The following ANXA13 variants were observed in gnomAD, a reference collection of about 807,000 sequenced individuals.
ANXA13 encodes the protein annexin A13.
A neutral mutation model predicts 46.6 loss-of-function variants in ANXA13; 36 were observed. The observed-to-expected ratio is 0.77, with a 90% CI of 0.59 to 1.02. The LOEUF (loss-of-function observed/expected upper bound fraction) is 1.02. ANXA13 is among the 50% of genes least tolerant of loss of function. The pLI is 0.00. For synonymous variants in ANXA13, 163 were observed against 152.9 expected (o/e 1.07, Z -0.49); for missense variants, 417 against 396.5 (o/e 1.05, Z -0.44).
intron 2 of ANXA13, chr8:123,712,140 T>C (rs187547171): frequency 6.3e-4 from 99 of 157,468 alleles, no homozygotes; most frequent in Non-Finnish European, 1.1e-3. Flanking sequence ...GTTTCCCCCA[T>C]ACCGTTCTCA....
chr8:123,693,353 T>C, intron 7 of ANXA13, 55 bp from the exon 8 acceptor site: 1 of 1,498,674 alleles, frequency 6.7e-7, no homozygotes, highest in East Asian at 2.3e-5. Flanking sequence ...AGACTGATTA[T>C]GCAGTGCTGT....
chr8:123,684,651 C>T lies in ANXA13; in HGVS notation c.790G>A (p.Asp264Asn), dbSNP rs567023364. 40 of 1,614,124 alleles carry T rather than the reference C, an allele frequency of 2.5e-5. No homozygotes were observed. The highest frequency in any genetic ancestry group is 1.2e-4 in the African/African-American group (9 of 75,054). The part of the protein sequence containing the change: ...LYKSMKGAGT[D>N]EETLIRIVVT... ...ACTATGCGAATCAACGTCTCCTCAT[C>T]GGTCCCCGCACCCTTCATCGACTTG... Residue 264 changes from aspartate to asparagine, a missense_variant, in exon 10 of 11, where the codon GAT becomes AAT. Coordinates refer to ENST00000419625, the MANE Select transcript of ANXA13 (RefSeq NM_004306.4).
rs763769544 is a variant in ANXA13, at chr8:123,693,205, A to G, written c.634T>C (p.Tyr212His). 6.2e-7 allele frequency: 1 copy of G among 1,613,950 alleles called. No homozygotes were observed. The highest frequency in any genetic ancestry group is 8.5e-7 in the Non-Finnish European group (1 of 1,179,844). ...YKQLRATFQA[Y>H]QILIGKDIEE... ...AATACTTTATGACTTACAATTTGAT[A>G]GGCTTGAAAGGTGGCTCGTAACTGC... The change falls in exon 8 of 11, where the codon TAT becomes CAT. Residue 212 changes from tyrosine to histidine, a missense_variant. Tyr to His is a moderately conservative substitution (Grantham distance 83, BLOSUM62 2). Coordinates refer to ENST00000419625, the MANE Select transcript of ANXA13 (RefSeq NM_004306.4).
chr8:123,688,333 G>A (rs557597918), intron 9 of ANXA13, among the ~76,000 whole-genome samples: 13 of 152,258 alleles, frequency 8.5e-5, no homozygotes, highest in South Asian at 2.1e-4. Context: ...TGTGCCTTCC[G>A]TCTTCAGCCA....
At chr8:123,712,519 C>T (rs779595436) in intron 2 of ANXA13, 159 bp downstream of exon 2, 16 of 654,456 alleles carry the variant, frequency 2.4e-5, no homozygotes, top group African/African-American at 3.6e-5. Context: ...TGTAATTTTG[C>T]GAACTTTAAT....
chr8:123,720,697 TGA>T (rs1491047101), intron 1 of ANXA13, among the ~76,000 whole-genome samples: 24 of 147,726 alleles, frequency 1.6e-4, no homozygotes, highest in African/African-American at 3.6e-4. Context: ...TGTGTGTGTG[TGA>T]GTTAAGAACA....
intron 3 of ANXA13, among the ~76,000 whole-genome samples, chr8:123,700,127 C>T (rs1334503170): frequency 2.6e-5 from 4 of 152,198 alleles, no homozygotes; most frequent in Non-Finnish European, 5.9e-5. Context: ...TTATATTATG[C>T]CTCCGCCCCA....
intron 9 of ANXA13, among the ~76,000 whole-genome samples, chr8:123,686,076 C>A (rs1444289902): frequency 6.6e-6 from 1 of 152,136 alleles, no homozygotes; most frequent in Non-Finnish European, 1.5e-5. Context: ...CTCAACATTT[C>A]TCCTGTCTAT....
intron 2 of ANXA13, among the ~76,000 whole-genome samples, chr8:123,704,052 A>G (rs1813495986): frequency 1.3e-5 from 2 of 152,190 alleles, no homozygotes; most frequent in African/African-American, 4.8e-5. Context: ...ATACAAGGCT[A>G]TTGTGAGAAT....
intron 9 of ANXA13, among the ~76,000 whole-genome samples, chr8:123,686,699 A>C (rs1813146351): frequency 6.6e-6 from 1 of 152,096 alleles, no homozygotes. Context: ...GCATTGTAAC[A>C]GGTGATTCCA....
intron 10 of ANXA13, among the ~76,000 whole-genome samples, chr8:123,682,452 G>A (rs1447582757): frequency 1.3e-5 from 2 of 152,078 alleles, no homozygotes; most frequent in Non-Finnish European, 2.9e-5. Context: ...TTCTTTTTTG[G>A]CTTAGACCCT....
At chr8:123,717,965 C>T (rs1165045244) in intron 1 of ANXA13, among the ~76,000 whole-genome samples, 1 of 152,248 alleles carries the variant, frequency 6.6e-6, no homozygotes, top group South Asian at 2.1e-4. Context: ...GGGGCTCACG[C>T]CCAGACTCGC....
intron 1 of ANXA13, among the ~76,000 whole-genome samples, chr8:123,731,327 G>A (rs578081301): frequency 1.9e-4 from 29 of 152,230 alleles, no homozygotes; most frequent in African/African-American, 5.8e-4. Context: ...ATATACAGAC[G>A]CCAGGGCCTT....
intron 9 of ANXA13, 88 bp downstream of exon 9, chr8:123,688,783 C>T (rs1466295428): frequency 2.5e-6 from 3 of 1,192,038 alleles, no homozygotes; most frequent in South Asian, 2.4e-5. Context: ...AAAGCTATTC[C>T]CTCAAATCTT....
intron 1 of ANXA13, among the ~76,000 whole-genome samples, chr8:123,716,936 AG>A (rs1312156384): frequency 6.6e-6 from 1 of 152,160 alleles, no homozygotes; most frequent in Non-Finnish European, 1.5e-5. Context: ...GGGTCTGACA[AG>A]CTTGTGAGGC....
chr8:123,720,894 CTTGACCTTAACAA>C lies in ANXA13; in HGVS notation c.16-8154_16-8142del, dbSNP rs555724128. ...AGGATTACAGGCATGAGCCACTGCA[CTTGACCTTAACAA>C]TTGACCTTAACAATTTTTTAAGTGT... is the stretch of plus-strand genomic sequence containing the variant. On this transcript the variant is annotated intron_variant, in intron 1 of 10. Transcript: ENST00000419625. Among the ~76,000 whole-genome samples the C allele has an allele frequency of 2.5e-4, 38 of 152,276 alleles. No individual in the cohort carries two copies. In the South Asian group the frequency reaches 7.7e-3, roughly 31 times the overall value.
chr8:123,702,924 T>C (rs968431453), intron 2 of ANXA13, among the ~76,000 whole-genome samples, 188 bp from the exon 3 acceptor site: 3 of 152,136 alleles, frequency 2.0e-5, no homozygotes, highest in African/African-American at 7.2e-5. Flanking sequence ...CTTAGACAAA[T>C]AGCCATTGAG....
At chr8:123,726,842 G>GTA (rs573904498) in intron 1 of ANXA13, among the ~76,000 whole-genome samples, 37 of 152,264 alleles carry the variant, frequency 2.4e-4, no homozygotes, top group African/African-American at 7.2e-5. Context: ...AGAAGCTGTG[G>GTA]TATATATATA....
intron 9 of ANXA13, 136 bp downstream of exon 9, chr8:123,688,735 C>T (rs1426649400): frequency 1.1e-5 from 8 of 724,502 alleles, no homozygotes; most frequent in Non-Finnish European, 1.9e-5. Flanking sequence ...CAGTCACTCT[C>T]TCTCTTGCTC....
Sources: allele counts gnomAD v4.1 joint callset (sites outside exome capture counted in the v4.1 genomes callset), GRCh38; gene constraint gnomAD v4.1.1; transcripts MANE v1.5; gene names NCBI Gene and HGNC (gene_info 2026-07-23, HGNC 2026-07-21).